Variants in ATP5PO observed in about 807,000 individuals in gnomAD.
ATP5PO encodes the protein ATP synthase peripheral stalk subunit OSCP, also known as ATP synthase peripheral stalk subunit OSCP, mitochondrial.
A neutral mutation model predicts 26.2 loss-of-function variants in ATP5PO; 14 were observed. That is an observed-to-expected ratio of 0.53 (90% CI 0.35 to 0.83). ATP5PO has a LOEUF of 0.83. Among genes scored for constraint, ATP5PO ranks in the 40% least tolerant of loss-of-function variants. The probability of loss-of-function intolerance (pLI) is 0.01; values close to 1 mark genes in which losing one functional copy is unlikely to be tolerated. For synonymous variants in ATP5PO, 106 were observed against 95.1 expected (o/e 1.12, Z -0.67); for missense variants, 241 against 258.5 (o/e 0.93, Z 0.46).
chr21:33,906,576 A>G (rs763542613), intron 5 of ATP5PO: 4 of 429,728 alleles, frequency 9.3e-6, no homozygotes, highest in Non-Finnish European at 1.8e-5. Context: ...AGCACCCAGC[A>G]TATAGTAGGG....
intron 4 of ATP5PO, among the ~76,000 whole-genome samples, chr21:33,907,804 C>T (rs1241892885): frequency 3.3e-5 from 5 of 151,974 alleles, no homozygotes; most frequent in African/African-American, 4.8e-5. Context: ...CCAGCCTGGG[C>T]GACAGAGCAA....
intron 4 of ATP5PO, 179 bp downstream of exon 4, chr21:33,908,903 A>G (rs538814245): frequency 3.5e-5 from 22 of 631,248 alleles, no homozygotes; most frequent in African/African-American, 2.0e-4. Context: ...TTCAATGTGC[A>G]AACGATTCAC....
At chr21:33,909,305 A>G (rs1987217860) in intron 3 of ATP5PO, 94 bp from the exon 4 acceptor site, 2 of 1,405,986 alleles carry the variant, frequency 1.4e-6, no homozygotes, top group African/African-American at 1.4e-5. Flanking sequence ...TTTGGAGACA[A>G]CGTCTTGCTC....
chr21:33,911,855 G>A (rs896718718), intron 3 of ATP5PO, among the ~76,000 whole-genome samples: 3 of 151,832 alleles, frequency 2.0e-5, no homozygotes, highest in Non-Finnish European at 4.4e-5. Flanking sequence ...TAGTAGAGAT[G>A]GGGTTTCACT....
intron 5 of ATP5PO, among the ~76,000 whole-genome samples, chr21:33,904,801 C>T (rs1188048199): frequency 4.6e-5 from 7 of 152,180 alleles, no homozygotes; most frequent in African/African-American, 1.2e-4. Flanking sequence ...AGTAGAGTGG[C>T]GAGATCTCGG....
At chr21:33,911,548 G>A (rs1048684264) in intron 3 of ATP5PO, among the ~76,000 whole-genome samples, 3 of 151,384 alleles carry the variant, frequency 2.0e-5, no homozygotes, top group African/African-American at 7.3e-5. Flanking sequence ...AGCCTCCTCT[G>A]ATTCTACAAG....
At chr21:33,908,740 G>A (rs1219506433) in intron 4 of ATP5PO, 1 of 182,194 alleles carries the variant, frequency 5.5e-6, no homozygotes, top group Non-Finnish European at 1.1e-5. Flanking sequence ...ATGTACCCAA[G>A]AATGCAAATG....
At chr21:33,910,925 T>C (rs1253078623) in intron 3 of ATP5PO, among the ~76,000 whole-genome samples, 1 of 152,256 alleles carries the variant, frequency 6.6e-6, no homozygotes, top group East Asian at 1.9e-4. Flanking sequence ...TTATAGACTA[T>C]ACATACGATG....
chr21:33,906,924 G>T, intron 5 of ATP5PO: 1 of 370,796 alleles, frequency 2.7e-6, no homozygotes, highest in Admixed American at 3.3e-5. Flanking sequence ...CCAGGAGGTT[G>T]AGGCTACAGA....
rs34768404 is a variant in ATP5PO, at chr21:33,908,169, C to CAA, written c.329-718_329-717dup. On this transcript the variant is annotated intron_variant, in intron 4 of 6. Coordinates refer to ENST00000290299, the MANE Select transcript of ATP5PO (RefSeq NM_001697.3). ...GGTGACAGAAAGGGACACCCAGGCT[C>CAA]AAAAAAAAAAAAAAAAAAAAAGAAT... is the stretch of plus-strand genomic sequence containing the variant. 6.4e-3 allele frequency among the ~76,000 whole-genome samples: 628 copies of CAA among 97,632 alleles called. 10 individuals carry two copies. Among genetic ancestry groups the CAA allele is most frequent in the African/African-American group, 0.023 (583 of 25,188 alleles). 64.1% of individuals were successfully genotyped at this position (97,632 alleles called of 152,430 possible).
chr21:33,904,009 C>T lies in ATP5PO; in HGVS notation c.454G>A (p.Ala152Thr), dbSNP rs1168753477. Residue 152 changes from alanine to threonine, a missense_variant, in exon 6 of 7, where the codon GCC becomes ACC. Coordinates refer to ENST00000290299, the MANE Select transcript of ATP5PO (RefSeq NM_001697.3). Reference protein sequence around the residue: ...TVTSASPLEEATLSELKTVLK... With the variant: ...TVTSASPLEETTLSELKTVLK... ...ACAGTTTTTAATTCAGAGAGTGTGGCTTCTTCTAAAGGCTGAAAGGCAAAA... is the reference window on the plus strand; with the variant it reads ...ACAGTTTTTAATTCAGAGAGTGTGGTTTCTTCTAAAGGCTGAAAGGCAAAA... 5.0e-6 allele frequency: 8 copies of T among 1,612,202 alleles called. No individual in the cohort carries two copies. The highest frequency in any genetic ancestry group is 1.3e-5 in the African/African-American group (1 of 74,838).
At chr21:33,905,570 C>G (rs2148605343) in intron 5 of ATP5PO, among the ~76,000 whole-genome samples, 1 of 152,220 alleles carries the variant, frequency 6.6e-6, no homozygotes, top group South Asian at 2.1e-4. Flanking sequence ...GCATTAGTAA[C>G]AGTTGGTTCT....
At chr21:33,908,245 T>TA (rs1476426225) in intron 4 of ATP5PO, among the ~76,000 whole-genome samples, 66 of 150,702 alleles carry the variant, frequency 4.4e-4, no homozygotes, top group African/African-American at 1.1e-3. Flanking sequence ...TTTTTTTTTT[T>TA]AAATAGACTG....
At chr21:33,906,068 C>T (rs1285268478) in intron 5 of ATP5PO, among the ~76,000 whole-genome samples, 1 of 152,118 alleles carries the variant, frequency 6.6e-6, no homozygotes, top group Non-Finnish European at 1.5e-5. Context: ...CAGAGGGCTC[C>T]CTGCCTATGT....
chr21:33,915,796 T>G lies in ATP5PO; in HGVS notation c.-33A>C. On this transcript the variant is annotated 5_prime_UTR_variant, in exon 1 of 7. Transcript: ENST00000290299. ...CGGGCGGCTGTAGGTCAAACCCGAG[T>G]GGGAAGAGAGAAACGCGCAAGGGCG... 1 of 1,555,524 alleles carries G rather than the reference T, an allele frequency of 6.4e-7. No homozygotes were observed. The highest frequency in any genetic ancestry group is 2.4e-5 in the East Asian group (1 of 41,994).
chr21:33,914,092 T>C (rs1348060388), intron 2 of ATP5PO, among the ~76,000 whole-genome samples: 1 of 152,102 alleles, frequency 6.6e-6, no homozygotes, highest in Non-Finnish European at 1.5e-5. Context: ...ACCTTGATTT[T>C]AATATCGTCT....
intron 4 of ATP5PO, among the ~76,000 whole-genome samples, chr21:33,908,581 C>T (rs1987205912): frequency 6.6e-6 from 1 of 152,062 alleles, no homozygotes; most frequent in African/African-American, 2.4e-5. Context: ...TGGTGGCATG[C>T]ACCTGTATTC....
chr21:33,904,042 T>C (rs764960686), intron 5 of ATP5PO, 21 bp from the exon 6 acceptor site: 1 of 1,588,016 alleles, frequency 6.3e-7, no homozygotes, highest in Admixed American at 1.8e-5. Context: ...AAACCATCCT[T>C]TCAATTTAGA....
At chr21:33,914,015 T>C (rs1223344029) in intron 2 of ATP5PO, among the ~76,000 whole-genome samples, 1 of 152,164 alleles carries the variant, frequency 6.6e-6, no homozygotes, top group Non-Finnish European at 1.5e-5. Context: ...CCTGACCTCG[T>C]GATCTGCCCA....
Sources: allele counts gnomAD v4.1 joint callset (sites outside exome capture counted in the v4.1 genomes callset), GRCh38; gene constraint gnomAD v4.1.1; transcripts MANE v1.5; gene names NCBI Gene and HGNC (gene_info 2026-07-23, HGNC 2026-07-21).